The following RANBP3L variants were observed in gnomAD, a reference collection of about 807,000 sequenced individuals.
The protein encoded by RANBP3L is RAN binding protein 3 like.
In RANBP3L, 56 loss-of-function variants were observed where a neutral mutation model predicts 67.2. The observed-to-expected ratio is 0.83, with a 90% CI of 0.67 to 1.04. The LOEUF is 1.04. Ranked by LOEUF, RANBP3L falls within the 50% of genes least tolerant of loss-of-function variation. The probability of loss-of-function intolerance (pLI) is 0.00; values close to 1 mark genes in which losing one functional copy is unlikely to be tolerated. For missense variants in RANBP3L, 496 were observed against 535.5 expected, an observed-to-expected ratio of 0.93 and a Z score of 0.73; for synonymous variants, 164 against 181.4, an observed-to-expected ratio of 0.90 and a Z score of 0.77.
At chr5:36,268,261 G>A in intron 4 of RANBP3L, 1 of 1,532,444 alleles carries the variant, frequency 6.5e-7, no homozygotes, top group South Asian at 1.2e-5. Flanking sequence ...CTGAGACAAG[G>A]TTGACACTAA....
intron 1 of RANBP3L, among the ~76,000 whole-genome samples, chr5:36,286,729 A>T (rs1384203075): frequency 1.3e-5 from 2 of 152,210 alleles, no homozygotes; most frequent in Non-Finnish European, 2.9e-5. Flanking sequence ...TGAATCAATA[A>T]CCACGTCAGA....
intron 1 of RANBP3L, among the ~76,000 whole-genome samples, chr5:36,276,797 T>C (rs961619556): frequency 6.6e-6 from 1 of 152,132 alleles, no homozygotes; most frequent in African/African-American, 2.4e-5. Context: ...AAAGAAGATG[T>C]CAAAGATAGA....
At chr5:36,297,874 T>C (rs186131787) in intron 1 of RANBP3L, among the ~76,000 whole-genome samples, 1 of 152,306 alleles carries the variant, frequency 6.6e-6, no homozygotes, top group East Asian at 1.9e-4. Context: ...ACTTTGCACC[T>C]TGTTGTTGCC....
In RANBP3L at chr5:36,249,686, A is replaced by G; in HGVS notation, c.1366T>C (p.Trp456Arg). The change falls in exon 14 of 14, where the codon TGG (tryptophan) becomes CGG (arginine). Residue 456 changes from tryptophan (W) to arginine (R), a missense_variant. Transcript: ENST00000296604. ...CAGGCAACCGACTGTCTGTGAGTCCAACTAGAAGGATCTGTGATATAAATT... is the reference window on the plus strand; with the variant it reads ...CAGGCAACCGACTGTCTGTGAGTCCGACTAGAAGGATCTGTGATATAAATT... ...VTKNGSDPSS[W>R]THRQSVACS The G allele has an allele frequency of 6.5e-7, 1 of 1,546,356 alleles. No individual in the cohort carries two copies. The highest frequency in any genetic ancestry group is 8.8e-7 in the Non-Finnish European group (1 of 1,130,096).
rs1384180632 is a variant in RANBP3L, at chr5:36,262,008, T to G, written c.515A>C (p.Asn172Thr). The G allele has an allele frequency of 6.2e-7, 1 of 1,605,112 alleles. No homozygotes were observed. The highest frequency in any genetic ancestry group is 8.5e-7 in the Non-Finnish European group (1 of 1,173,268). The change falls in exon 7 of 14, where the codon AAT becomes ACT. Residue 172 changes from asparagine to threonine, a missense_variant. By Grantham distance (65) the Asn-to-Thr change is moderately conservative. Coordinates refer to ENST00000296604, the MANE Select transcript of RANBP3L (RefSeq NM_145000.5). ...SEGNSYLLSE[N>T]LSRARISVQL... ...GACTGAAATTCTAGCCCTTGATAAA[T>G]TTTCACTTAACAAATAGGAATTTCC...
intron 4 of RANBP3L, 41 bp downstream of exon 4, chr5:36,269,349 A>T: frequency 8.6e-7 from 1 of 1,167,714 alleles, no homozygotes; most frequent in African/African-American, 1.5e-5. Context: ...CATTCAGAAT[A>T]AACATAACAG....
chr5:36,300,211 A>G (rs1337953020), intron 1 of RANBP3L, among the ~76,000 whole-genome samples: 1 of 152,246 alleles, frequency 6.6e-6, no homozygotes, highest in Non-Finnish European at 1.5e-5. Context: ...ACATTCCAGG[A>G]CTTTACATTC....
intron 2 of RANBP3L, among the ~76,000 whole-genome samples, 189 bp downstream of exon 2, chr5:36,271,064 C>T (rs1404514729): frequency 6.6e-6 from 1 of 152,170 alleles, no homozygotes; most frequent in East Asian, 1.9e-4. Flanking sequence ...AAGACAAGGC[C>T]TCTGGCTTCC....
At chr5:36,298,482 C>T (rs1031579541) in intron 1 of RANBP3L, among the ~76,000 whole-genome samples, 3 of 152,168 alleles carry the variant, frequency 2.0e-5, no homozygotes, top group African/African-American at 7.2e-5. Flanking sequence ...CCAGACCTCA[C>T]TCTCTAAAAC....
chr5:36,264,869 A>T, intron 6 of RANBP3L, 90 bp downstream of exon 6: 1 of 1,131,312 alleles, frequency 8.8e-7, no homozygotes, highest in Non-Finnish European at 1.3e-6. Context: ...AGCTCAGACA[A>T]CTCCTATTTC....
rs768888568 is a variant in RANBP3L, at chr5:36,265,422, G to A, written c.340+27C>T. On this transcript the variant is annotated intron_variant, in intron 5 of 13. Coordinates refer to ENST00000296604, the MANE Select transcript of RANBP3L (RefSeq NM_145000.5). ...ATAGGTGGTAAAATATACAATTTCT[G>A]AGGTTCTTGAAATAGAAGCTACATA... 9.1e-6 allele frequency: 13 copies of A among 1,430,218 alleles called. No individual in the cohort carries two copies. The Admixed American group carries it at 1.5e-4, about 16-fold the overall frequency. The allele number at this position is 1,430,218 out of a possible 1,614,324, so 88.6% of individuals were successfully genotyped here.
chr5:36,274,093 G>A (rs1455165341), intron 1 of RANBP3L, among the ~76,000 whole-genome samples: 2 of 152,170 alleles, frequency 1.3e-5, no homozygotes, highest in African/African-American at 4.8e-5. Flanking sequence ...CCACACGCCA[G>A]CACCAGAGTC....
At chr5:36,269,709 A>G (rs1258874884) in intron 3 of RANBP3L, among the ~76,000 whole-genome samples, 1 of 152,234 alleles carries the variant, frequency 6.6e-6, no homozygotes, top group African/African-American at 2.4e-5. Context: ...TCTGAGGTCT[A>G]CAGAGAATGC....
At chr5:36,257,763 A>G (rs1749096125) in intron 8 of RANBP3L, among the ~76,000 whole-genome samples, 1 of 152,102 alleles carries the variant, frequency 6.6e-6, no homozygotes, top group South Asian at 2.1e-4. Flanking sequence ...AGAAAACATA[A>G]TCTAGTTACC....
At chr5:36,299,115 C>T (rs900445202) in intron 1 of RANBP3L, among the ~76,000 whole-genome samples, 2 of 152,076 alleles carry the variant, frequency 1.3e-5, no homozygotes, top group African/African-American at 4.8e-5. Flanking sequence ...GGCCTAGCCT[C>T]CCAGCCTACA....
chr5:36,277,416 C>A lies in RANBP3L; in HGVS notation c.92-6105G>T, dbSNP rs1302599085. Among the ~76,000 whole-genome samples the A allele has an allele frequency of 2.3e-4, 17 of 74,882 alleles. 1 individual carries two copies. The East Asian group carries it at 3.5e-3, about 15-fold the overall frequency. The allele number at this position is 74,882 out of a possible 152,430, so 49.1% of individuals were successfully genotyped here. On this transcript the variant is annotated intron_variant, in intron 1 of 13. Transcript: ENST00000296604. ...CTTTTTCATCTCTCTCTCTCTCTCT[C>A]TCTCTCTATATATATATATATATAT... is the stretch of plus-strand genomic sequence containing the variant.
intron 1 of RANBP3L, among the ~76,000 whole-genome samples, chr5:36,283,258 ATGTTGTCCAGG>A (rs1430975404): frequency 1.7e-4 from 26 of 152,138 alleles, no homozygotes; most frequent in African/African-American, 6.0e-4. Flanking sequence ...GGGTTTCAAC[ATGTTGTCCAGG>A]CTGGTCTCAA....
rs190722029 is a variant in RANBP3L, at chr5:36,247,836, C to T, written c.*1818G>A. Among the ~76,000 whole-genome samples the T allele has an allele frequency of 6.6e-6, 1 of 152,234 alleles. No individual in the cohort carries two copies. Among genetic ancestry groups the T allele is most frequent in the East Asian group, 1.9e-4 (1 of 5,168 alleles). On this transcript the variant is annotated 3_prime_UTR_variant, in exon 14 of 14. Transcript: ENST00000296604. ...CCGGGAGGGGGAGGTTGAAGTGAGC[C>T]GAAATCGTGCCACTGCACTCCAACC...
At chr5:36,264,864 A>T in intron 6 of RANBP3L, 95 bp downstream of exon 6, 1 of 1,094,076 alleles carries the variant, frequency 9.1e-7, no homozygotes, top group Non-Finnish European at 1.3e-6. Flanking sequence ...AACAAAGCTC[A>T]GACAACTCCT....
Sources: allele counts gnomAD v4.1 joint callset (sites outside exome capture counted in the v4.1 genomes callset), GRCh38; gene constraint gnomAD v4.1.1; transcripts MANE v1.5; gene names NCBI Gene and HGNC (gene_info 2026-07-23, HGNC 2026-07-21).